The following USH2A variants were observed in gnomAD, a reference collection of about 807,000 sequenced individuals.
The protein encoded by USH2A is usherin.
A neutral mutation model predicts 538.9 loss-of-function variants in USH2A; 443 were observed. That is an observed-to-expected ratio of 0.82 (90% CI 0.76 to 0.89). The LOEUF (loss-of-function observed/expected upper bound fraction) is 0.89. Ranked by LOEUF, USH2A falls within the 40% of genes least tolerant of loss-of-function variation. The pLI, the probability that USH2A is intolerant of heterozygous loss-of-function variation, is 0.00. For missense variants in USH2A, 6,633 were observed against 6,324.8 expected (o/e 1.05, Z -1.65); for synonymous variants, 2,413 against 2,273.5 (o/e 1.06, Z -1.75).
intron 20 of USH2A, among the ~76,000 whole-genome samples, chr1:216,179,736 AAC>A (rs1163023512): frequency 2.0e-5 from 3 of 152,064 alleles, no homozygotes; most frequent in Non-Finnish European, 4.4e-5. Context: ...TGAACCATTA[AAC>A]ACACACACAT....
At chr1:216,102,854 C>T (rs925819529) in intron 21 of USH2A, among the ~76,000 whole-genome samples, 1 of 152,120 alleles carries the variant, frequency 6.6e-6, no homozygotes, top group Non-Finnish European at 1.5e-5. Context: ...TGTTTTCATC[C>T]AGCCGTTCTA....
At chr1:215,672,892 C>T (rs1184872850) in intron 63 of USH2A, among the ~76,000 whole-genome samples, 1 of 152,160 alleles carries the variant, frequency 6.6e-6, no homozygotes, top group Non-Finnish European at 1.5e-5. Context: ...TTCTTTCCAG[C>T]CTGGAAAAAG....
At chr1:215,881,209 C>T (rs930157505) in intron 41 of USH2A, among the ~76,000 whole-genome samples, 1 of 152,274 alleles carries the variant, frequency 6.6e-6, no homozygotes, top group East Asian at 1.9e-4. Flanking sequence ...GGTGCGATTT[C>T]AGCCCACTGC....
At chr1:216,001,758 A>G (rs1668269728) in intron 32 of USH2A, among the ~76,000 whole-genome samples, 1 of 152,184 alleles carries the variant, frequency 6.6e-6, no homozygotes, top group South Asian at 2.1e-4. Flanking sequence ...ACTGATAACA[A>G]AAGTAAACTG....
Position 216,181,408 on chromosome 1 carries a change from C to G in USH2A, c.4397-5926G>C, listed in dbSNP as rs147683259. Among the ~76,000 whole-genome samples the G allele has an allele frequency of 1.6e-3, 249 of 152,208 alleles. 2 individuals carry two copies. The highest frequency in any genetic ancestry group is 5.7e-3 in the African/African-American group (237 of 41,566). ...GCCAGCAGGAGCCCCTCTGGTTTATCCCCTTCAGCTCTCAGCCACCTTGTT... is the reference window on the plus strand; with the variant it reads ...GCCAGCAGGAGCCCCTCTGGTTTATGCCCTTCAGCTCTCAGCCACCTTGTT... On this transcript the variant is annotated intron_variant, in intron 20 of 71. Coordinates refer to ENST00000307340, the MANE Select transcript of USH2A (RefSeq NM_206933.4).
In USH2A at chr1:215,716,862, T is replaced by C. The variant is rs756088909; in HGVS notation, c.12066+11168A>G. On this transcript the variant is annotated intron_variant, in intron 61 of 71. Coordinates refer to ENST00000307340, the MANE Select transcript of USH2A (RefSeq NM_206933.4). ...TGCTGTGCTAAGAACTCTGATGTGC[T>C]GTCAGATTGGTCAGATTTTGTTACT... Among the ~76,000 whole-genome samples the C allele has an allele frequency of 7.9e-5, 12 of 152,332 alleles. No individual in the cohort carries two copies. In the South Asian group the frequency reaches 1.0e-3, roughly 13 times the overall value.
intron 4 of USH2A, among the ~76,000 whole-genome samples, chr1:216,356,841 T>C (rs2038399465): frequency 2.0e-5 from 3 of 152,138 alleles, no homozygotes; most frequent in Admixed American, 2.0e-4. Context: ...GAAGTAGAAA[T>C]CTTGGATTAA....
chr1:215,985,786 G>A (rs1390017486), intron 35 of USH2A, among the ~76,000 whole-genome samples: 1 of 152,074 alleles, frequency 6.6e-6, no homozygotes, highest in Non-Finnish European at 1.5e-5. Context: ...GTGTGTATAA[G>A]AGACCTATAG....
At chr1:216,228,265 G>T (rs2035600015) in intron 14 of USH2A, among the ~76,000 whole-genome samples, 1 of 152,004 alleles carries the variant, frequency 6.6e-6, no homozygotes, top group Non-Finnish European at 1.5e-5. Context: ...GAATGAAGAG[G>T]CCAAAGAACT....
chr1:215,845,087 T>C (rs1663802575), intron 45 of USH2A, among the ~76,000 whole-genome samples: 1 of 152,160 alleles, frequency 6.6e-6, no homozygotes, highest in Non-Finnish European at 1.5e-5. Context: ...TTCAAGCATG[T>C]CAGAAATAAC....
At chr1:215,880,765 C>G (rs546795182) in intron 41 of USH2A, among the ~76,000 whole-genome samples, 2 of 152,234 alleles carry the variant, frequency 1.3e-5, no homozygotes, top group Admixed American at 6.5e-5. Context: ...CCTCTTAGAC[C>G]AGAATACTTT....
intron 2 of USH2A, among the ~76,000 whole-genome samples, chr1:216,420,144 G>A (rs748105156): frequency 6.6e-6 from 1 of 151,722 alleles, no homozygotes; most frequent in Admixed American, 6.6e-5. Flanking sequence ...CTACCCATCA[G>A]GTCTTAACCT....
chr1:216,393,318 T>C (rs1377326021), intron 3 of USH2A, among the ~76,000 whole-genome samples: 1 of 152,236 alleles, frequency 6.6e-6, no homozygotes, highest in Non-Finnish European at 1.5e-5. Flanking sequence ...TTAGTTATTT[T>C]TCAGCAAATG....
chr1:216,150,099 G>T (rs2033803175), intron 21 of USH2A, among the ~76,000 whole-genome samples: 1 of 151,962 alleles, frequency 6.6e-6, no homozygotes, highest in Non-Finnish European at 1.5e-5. Flanking sequence ...CCACCACTTA[G>T]GCCGAGCCCC....
intron 40 of USH2A, among the ~76,000 whole-genome samples, chr1:215,898,649 T>C (rs1023269483): frequency 7.2e-5 from 11 of 152,194 alleles, no homozygotes; most frequent in African/African-American, 2.7e-4. Flanking sequence ...TGCAGTGGGT[T>C]GAATAATTAT....
chr1:216,072,064 A>AG (rs1416304543), intron 29 of USH2A, among the ~76,000 whole-genome samples: 2 of 152,208 alleles, frequency 1.3e-5, no homozygotes, highest in African/African-American at 4.8e-5. Flanking sequence ...TAAGTATAAG[A>AG]GAATACCTTG....
intron 38 of USH2A, among the ~76,000 whole-genome samples, chr1:215,925,298 T>G (rs1461663294): frequency 6.6e-6 from 1 of 152,158 alleles, no homozygotes; most frequent in Non-Finnish European, 1.5e-5. Context: ...GCCTGGTATG[T>G]GTTTTTGAAA....
intron 9 of USH2A, among the ~76,000 whole-genome samples, chr1:216,311,151 T>A (rs918383581): frequency 6.6e-6 from 1 of 152,208 alleles, no homozygotes; most frequent in African/African-American, 2.4e-5. Context: ...ATTGGTCAAG[T>A]TACAGAGCAG....
intron 61 of USH2A, among the ~76,000 whole-genome samples, chr1:215,714,961 A>G (rs1659443159): frequency 6.6e-6 from 1 of 152,192 alleles, no homozygotes; most frequent in Admixed American, 6.5e-5. Flanking sequence ...CATGCCCCAA[A>G]TAGGGATGAC....
Sources: allele counts gnomAD v4.1 joint callset (sites outside exome capture counted in the v4.1 genomes callset), GRCh38; gene constraint gnomAD v4.1.1; transcripts MANE v1.5; gene names NCBI Gene and HGNC (gene_info 2026-07-23, HGNC 2026-07-21).